The following RARB variants were observed in gnomAD, a reference collection of about 807,000 sequenced individuals.
RARB encodes retinoic acid receptor beta.
Under a neutral mutation model 51.9 loss-of-function variants are expected in RARB, and 17 were observed. The observed-to-expected ratio is 0.33, with a 90% CI of 0.22 to 0.49. The LOEUF (loss-of-function observed/expected upper bound fraction) is 0.49, where lower values mean the gene tolerates loss of function less well. Among genes scored for constraint, RARB ranks in the 20% least tolerant of loss-of-function variants. The pLI is 0.99. For synonymous variants in RARB, 215 were observed against 195.4 expected, an observed-to-expected ratio of 1.10 and a Z score of -0.84; for missense variants, 369 against 550.8, an observed-to-expected ratio of 0.67 and a Z score of 3.30.
At chr3:25,491,833 C>T (rs773310369) in intron 2 of RARB, among the ~76,000 whole-genome samples, 7 of 151,720 alleles carry the variant, frequency 4.6e-5, no homozygotes, top group African/African-American at 7.3e-5. Context: ...CCTAGCTACT[C>T]GGAAGGCTGA....
intron 1 of RARB, among the ~76,000 whole-genome samples, chr3:25,449,195 C>T (rs1172401505): frequency 3.3e-5 from 5 of 152,018 alleles, no homozygotes; most frequent in African/African-American, 4.8e-5. Flanking sequence ...TTCAGCCACA[C>T]GCCGTTGGAC....
intron 3 of RARB, among the ~76,000 whole-genome samples, chr3:25,085,439 T>C (rs1027052981): frequency 1.6e-4 from 25 of 152,130 alleles, no homozygotes; most frequent in Admixed American, 1.0e-3. Flanking sequence ...AAGAAGCATG[T>C]TTGGGGGAAT....
rs115456249 is a variant in RARB, at chr3:25,532,061, A to G, written c.448+30738A>G. Reference sequence around the variant, plus strand: ...TAAGGCTGAAATAATGGTTCTATACAGCTCTTGACATGATTTATTTTATTT... The same window carrying G: ...TAAGGCTGAAATAATGGTTCTATACGGCTCTTGACATGATTTATTTTATTT... On this transcript the variant is annotated intron_variant, in intron 3 of 7. Coordinates refer to ENST00000330688, the MANE Select transcript of RARB (RefSeq NM_000965.5). Among the ~76,000 whole-genome samples, 1,032 of 152,288 alleles carry G rather than the reference A, an allele frequency of 6.8e-3. 13 individuals are homozygous for G. Among genetic ancestry groups the G allele is most frequent in the African/African-American group, 0.023 (973 of 41,552 alleles).
intron 3 of RARB, among the ~76,000 whole-genome samples, chr3:25,120,144 A>G (rs79735761): frequency 1.3e-3 from 200 of 152,266 alleles, no homozygotes; most frequent in African/African-American, 4.5e-3. Context: ...GGAATTCTTA[A>G]TACTATATCA....
At position 24,881,004 on chromosome 3, in the gene RARB, C is replaced by T. The variant is rs140909222; in HGVS notation, c.-380+22252C>T. The stretch of plus-strand genomic sequence containing the variant: ...ATCTTGAATGGTAATCCCTGTGTGT[C>T]AAGGGAGGACCTTGTGGTAGGTGAT... On this transcript the variant is annotated intron_variant, in intron 2 of 11. Transcript: ENST00000383772. Among the ~76,000 whole-genome samples, 434 of 152,272 alleles carry T rather than the reference C, an allele frequency of 2.9e-3. 3 individuals are homozygous for T. The highest frequency in any genetic ancestry group is 0.01 in the African/African-American group (425 of 41,558).
intron 2 of RARB, among the ~76,000 whole-genome samples, chr3:25,048,528 G>C (rs1431535697): frequency 6.6e-6 from 1 of 152,096 alleles, no homozygotes; most frequent in East Asian, 1.9e-4. Context: ...CTTCACTCAA[G>C]TTGTTTTCTA....
At chr3:25,306,052 G>A (rs1704145021) in intron 5 of RARB, among the ~76,000 whole-genome samples, 1 of 152,102 alleles carries the variant, frequency 6.6e-6, no homozygotes, top group African/African-American at 2.4e-5. Context: ...GTGTTAGCCT[G>A]GCCTGTCCTC....
At chr3:25,381,513 T>C (rs1299379709) in intron 5 of RARB, among the ~76,000 whole-genome samples, 1 of 152,258 alleles carries the variant, frequency 6.6e-6, no homozygotes, top group East Asian at 1.9e-4. Context: ...TTAGTATATT[T>C]AAGCACTTAG....
intron 5 of RARB, among the ~76,000 whole-genome samples, chr3:25,225,499 G>C (rs1243109738): frequency 6.6e-6 from 1 of 152,104 alleles, no homozygotes; most frequent in Non-Finnish European, 1.5e-5. Flanking sequence ...CAAATAAATG[G>C]AACTCAGCAT....
chr3:25,580,425 CCAA>C, intron 4 of RARB, 118 bp from the exon 5 acceptor site: 1 of 961,206 alleles, frequency 1.0e-6, no homozygotes, highest in Non-Finnish European at 1.5e-6. Flanking sequence ...AGCTGTCCCA[CCAA>C]CAACCTGCCT....
intron 2 of RARB, among the ~76,000 whole-genome samples, chr3:25,022,208 G>A (rs982542649): frequency 3.9e-5 from 6 of 152,122 alleles, no homozygotes; most frequent in East Asian, 3.9e-4. Context: ...CAAACAGAAC[G>A]TGACCAGCAT....
At chr3:24,843,496 C>A (rs1702444508) in intron 1 of RARB, among the ~76,000 whole-genome samples, 1 of 152,128 alleles carries the variant, frequency 6.6e-6, no homozygotes, top group South Asian at 2.1e-4. Flanking sequence ...AGACAAAGTA[C>A]CTGGCACATT....
intron 2 of RARB, among the ~76,000 whole-genome samples, chr3:25,023,749 T>C (rs1386124463): frequency 6.6e-6 from 1 of 152,180 alleles, no homozygotes; most frequent in Non-Finnish European, 1.5e-5. Flanking sequence ...TGTGAGGTTA[T>C]CCAGTGAAAC....
In RARB at chr3:25,419,108, A is replaced by G. The variant is rs554775601; in HGVS notation, c.179-42085A>G. ...CAGAAGTATGATTGGCCAAAGGAGC[A>G]TAATCTAATAGTAATAAGCTGGGGG... On this transcript the variant is annotated intron_variant, in intron 5 of 11. Coordinates refer to the RARB transcript ENST00000383772. Among the ~76,000 whole-genome samples the G allele has an allele frequency of 8.5e-5, 13 of 152,182 alleles. 1 individual carries two copies. In the East Asian group the frequency reaches 2.1e-3, roughly 25 times the overall value.
intron 3 of RARB, among the ~76,000 whole-genome samples, chr3:25,562,433 A>G (rs570992225): frequency 6.6e-6 from 1 of 152,304 alleles, no homozygotes; most frequent in South Asian, 2.1e-4. Flanking sequence ...TCTGTCACAA[A>G]CACGAAGCCA....
At chr3:24,895,484 G>A (rs1005886221) in intron 2 of RARB, among the ~76,000 whole-genome samples, 2 of 152,058 alleles carry the variant, frequency 1.3e-5, no homozygotes, top group Admixed American at 1.3e-4. Context: ...TTGAACAACT[G>A]TTCTAGATTA....
At chr3:25,261,298 C>T (rs1264205597) in intron 5 of RARB, among the ~76,000 whole-genome samples, 1 of 151,986 alleles carries the variant, frequency 6.6e-6, no homozygotes, top group Non-Finnish European at 1.5e-5. Flanking sequence ...CCCTATTTAT[C>T]CTTCCCTTCT....
intron 3 of RARB, among the ~76,000 whole-genome samples, chr3:25,564,847 G>T (rs1575523750): frequency 6.6e-6 from 1 of 152,114 alleles, no homozygotes; most frequent in Non-Finnish European, 1.5e-5. Flanking sequence ...CCCAGGTCTG[G>T]CATAGGTATA....
chr3:25,137,462 A>G (rs2125335651), intron 4 of RARB, among the ~76,000 whole-genome samples: 1 of 152,212 alleles, frequency 6.6e-6, no homozygotes, highest in Non-Finnish European at 1.5e-5. Context: ...TTGGTTTATC[A>G]ATATTTTACA....
Sources: gnomAD v4.1 joint callset for allele counts (sites outside exome capture counted in the v4.1 genomes callset) on GRCh38, gnomAD v4.1.1 for gene constraint, MANE v1.5 for transcripts, NCBI Gene and HGNC (gene_info 2026-07-23, HGNC 2026-07-21) for gene names.